Variants in CHN2 observed in about 807,000 individuals in gnomAD.
CHN2 encodes chimerin 2.
CHN2 carries 35 observed loss-of-function variants against 56.3 expected under a neutral mutation model. The ratio of observed to expected loss-of-function variants is 0.62; its 90% confidence interval spans 0.47 to 0.82. CHN2 has a LOEUF of 0.82. Ranked by LOEUF, CHN2 falls within the 40% of genes least tolerant of loss-of-function variation. The probability of loss-of-function intolerance (pLI) is 0.00; values close to 1 mark genes in which losing one functional copy is unlikely to be tolerated. For synonymous variants in CHN2, 210 were observed against 212.8 expected (o/e 0.99, Z 0.12); for missense variants, 491 against 580.5 (o/e 0.85, Z 1.58).
chr7:29,183,870 A>G (rs918301465), intron 2 of CHN2, among the ~76,000 whole-genome samples: 1 of 152,174 alleles, frequency 6.6e-6, no homozygotes, highest in Non-Finnish European at 1.5e-5. Flanking sequence ...AAAATGTTAG[A>G]AAAAACAATA....
In CHN2 at chr7:29,330,867, G is replaced by A. The variant is rs563623308; in HGVS notation, c.50-23758G>A. ...ATTTAAAGGTGTATGGTATAGCATGGGAAGTTTATTACAGATGTGAAATTA... is the reference window on the plus strand; with the variant it reads ...ATTTAAAGGTGTATGGTATAGCATGAGAAGTTTATTACAGATGTGAAATTA... On this transcript the variant is annotated intron_variant, in intron 1 of 12. Transcript: ENST00000222792. Among the ~76,000 whole-genome samples, 14 of 152,294 alleles carry A rather than the reference G, an allele frequency of 9.2e-5. 1 individual carries two copies. The South Asian group carries it at 2.9e-3, about 32-fold the overall frequency.
At chr7:29,333,697 C>G (rs993509763) in intron 1 of CHN2, among the ~76,000 whole-genome samples, 1 of 152,186 alleles carries the variant, frequency 6.6e-6, no homozygotes, top group African/African-American at 2.4e-5. Flanking sequence ...CTAGCGCTTT[C>G]CTGGCTGATT....
At position 29,399,698 on chromosome 7, in the gene CHN2, A is replaced by G. The variant is rs79317647; in HGVS notation, c.291-845A>G. Reference sequence around the variant, plus strand: ...TCCCAGGCCCACAATGGTGTGTTCCATGCACCATCTCCCTATTATGGCTGT... The same window carrying G: ...TCCCAGGCCCACAATGGTGTGTTCCGTGCACCATCTCCCTATTATGGCTGT... On this transcript the variant is annotated intron_variant, in intron 5 of 12. Transcript: ENST00000222792. 4.3e-3 allele frequency among the ~76,000 whole-genome samples: 656 copies of G among 152,272 alleles called. 5 individuals are homozygous for G. The highest frequency in any genetic ancestry group is 0.015 in the African/African-American group (623 of 41,572).
upstream of CHN2, among the ~76,000 whole-genome samples, chr7:29,190,533 A>T (rs1333692383): frequency 6.6e-6 from 1 of 152,218 alleles, no homozygotes; most frequent in Non-Finnish European, 1.5e-5. Flanking sequence ...TAAACAAATT[A>T]CACCACCATA....
chr7:29,476,775 G>A (rs1045089625), intron 6 of CHN2, among the ~76,000 whole-genome samples: 8 of 152,048 alleles, frequency 5.3e-5, no homozygotes, highest in Non-Finnish European at 8.8e-5. Context: ...AGTGAATACA[G>A]GCAAAGAATG....
intron 7 of CHN2, among the ~76,000 whole-genome samples, chr7:29,481,658 GTTT>G (rs5883215): frequency 7.6e-6 from 1 of 130,852 alleles, no homozygotes; most frequent in African/African-American, 2.9e-5. Context: ...AATGCCTCCC[GTTT>G]TTTTTTTTTT....
chr7:29,471,401 C>T (rs1786018753), intron 6 of CHN2, among the ~76,000 whole-genome samples: 1 of 152,162 alleles, frequency 6.6e-6, no homozygotes, highest in Admixed American at 6.5e-5. Context: ...TTTTTGACAT[C>T]AGTCTCAGCA....
intron 6 of CHN2, among the ~76,000 whole-genome samples, chr7:29,461,532 G>A (rs898574749): frequency 7.9e-5 from 12 of 151,712 alleles, no homozygotes; most frequent in Non-Finnish European, 1.5e-4. Flanking sequence ...TTATATTCTC[G>A]GGATCTGGAG....
At chr7:29,386,382 G>A (rs919196879) in intron 3 of CHN2, among the ~76,000 whole-genome samples, 5 of 152,064 alleles carry the variant, frequency 3.3e-5, no homozygotes, top group South Asian at 4.2e-4. Flanking sequence ...CAGAAAATCC[G>A]GCAATCTAGC....
intron 1 of CHN2, among the ~76,000 whole-genome samples, chr7:29,323,948 G>A (rs920235067): frequency 6.6e-6 from 1 of 152,010 alleles, no homozygotes; most frequent in Non-Finnish European, 1.5e-5. Context: ...AGCTTGCAGT[G>A]AGCAGAGATT....
At chr7:29,314,350 G>A (rs1488682090) in intron 1 of CHN2, among the ~76,000 whole-genome samples, 1 of 152,164 alleles carries the variant, frequency 6.6e-6, no homozygotes, top group Non-Finnish European at 1.5e-5. Flanking sequence ...CACAAATAGA[G>A]GAAGTGGAAT....
intron 6 of CHN2, among the ~76,000 whole-genome samples, chr7:29,415,588 T>C (rs955686021): frequency 6.6e-6 from 1 of 151,300 alleles, no homozygotes; most frequent in Non-Finnish European, 1.5e-5. Context: ...ACACAGTTGG[T>C]GGAGGGGAAG....
At chr7:29,434,135 A>G (rs978253162) in intron 6 of CHN2, among the ~76,000 whole-genome samples, 4 of 152,210 alleles carry the variant, frequency 2.6e-5, no homozygotes, top group Admixed American at 2.0e-4. Flanking sequence ...TTTGAACCTC[A>G]CCAGGAAAGC....
chr7:29,255,434 C>T (rs1253481235), intron 1 of CHN2, among the ~76,000 whole-genome samples: 4 of 152,196 alleles, frequency 2.6e-5, no homozygotes, highest in Non-Finnish European at 4.4e-5. Flanking sequence ...ACGGAACACC[C>T]TCCACACTGA....
At chr7:29,213,435 C>T (rs1488754918) in intron 1 of CHN2, among the ~76,000 whole-genome samples, 2 of 152,112 alleles carry the variant, frequency 1.3e-5, no homozygotes, top group African/African-American at 4.8e-5. Context: ...GGAGAAAAGA[C>T]GTTTTAATAA....
intron 10 of CHN2, 112 bp from the exon 11 acceptor site, chr7:29,507,116 C>A (rs7457673): frequency 1.0e-6 from 1 of 986,144 alleles, no homozygotes; most frequent in Non-Finnish European, 1.5e-6. Flanking sequence ...AAAGAGTTAG[C>A]TGAGACTTGT....
At chr7:29,279,999 T>C (rs932023349) in intron 1 of CHN2, among the ~76,000 whole-genome samples, 1 of 152,108 alleles carries the variant, frequency 6.6e-6, no homozygotes, top group Admixed American at 6.6e-5. Flanking sequence ...GAAGCTAGAA[T>C]GGATGACAAC....
chr7:29,269,517 G>A (rs1348746479), intron 1 of CHN2, among the ~76,000 whole-genome samples: 3 of 152,166 alleles, frequency 2.0e-5, no homozygotes, highest in African/African-American at 7.2e-5. Context: ...GAACTTGTTA[G>A]TGCAGATATC....
Position 29,317,385 on chromosome 7 carries a change from C to T in CHN2, c.50-37240C>T, listed in dbSNP as rs540809125. On this transcript the variant is annotated intron_variant, in intron 1 of 12. Coordinates refer to ENST00000222792, the MANE Select transcript of CHN2 (RefSeq NM_004067.4). ...GGGGAAGAATCTCTTTGTGTTTAGGCACTTTGGGACCGAAGGATATTTCCC... is the reference window on the plus strand; with the variant it reads ...GGGGAAGAATCTCTTTGTGTTTAGGTACTTTGGGACCGAAGGATATTTCCC... Among the ~76,000 whole-genome samples, 125 of 152,250 alleles carry T rather than the reference C, an allele frequency of 8.2e-4. 1 individual carries two copies. The highest frequency in any genetic ancestry group is 2.6e-3 in the African/African-American group (110 of 41,542).
Sources: gnomAD v4.1 joint callset for allele counts (sites outside exome capture counted in the v4.1 genomes callset) on GRCh38, gnomAD v4.1.1 for gene constraint, MANE v1.5 for transcripts, NCBI Gene and HGNC (gene_info 2026-07-23, HGNC 2026-07-21) for gene names.